Variants in BMP2K observed in about 807,000 individuals in gnomAD.
The protein encoded by BMP2K is BMP2 inducible kinase.
In BMP2K, 74 loss-of-function variants were observed where a neutral mutation model predicts 116.0. The observed-to-expected ratio is 0.64, with a 90% CI of 0.53 to 0.77. The LOEUF (loss-of-function observed/expected upper bound fraction) is 0.77, where lower values mean the gene tolerates loss of function less well. Among genes scored for constraint, BMP2K ranks in the 30% least tolerant of loss-of-function variants. The pLI, the probability that BMP2K is intolerant of heterozygous loss-of-function variation, is 0.00. For missense variants in BMP2K, 1,365 were observed against 1,403.6 expected (o/e 0.97, Z 0.44); for synonymous variants, 486 against 502.5 (o/e 0.97, Z 0.44).
intron 1 of BMP2K, among the ~76,000 whole-genome samples, chr4:78,805,407 A>G (rs954835516): frequency 6.6e-6 from 1 of 151,800 alleles, no homozygotes; most frequent in East Asian, 1.9e-4. Flanking sequence ...TTGAATTTTC[A>G]TATGTATGTT....
intron 15 of BMP2K, among the ~76,000 whole-genome samples, chr4:78,895,465 A>G (rs934437436): frequency 5.9e-5 from 9 of 152,162 alleles, no homozygotes; most frequent in Non-Finnish European, 1.2e-4. Context: ...GAAATCCCAG[A>G]GGGTTTAGGA....
intron 10 of BMP2K, among the ~76,000 whole-genome samples, chr4:78,866,078 G>C (rs961461836): frequency 6.6e-6 from 1 of 152,156 alleles, no homozygotes; most frequent in Admixed American, 6.5e-5. Flanking sequence ...TGAAACACTA[G>C]TCTTACAAAG....
chr4:78,784,915 A>G (rs181883454), intron 1 of BMP2K, among the ~76,000 whole-genome samples: 35 of 152,264 alleles, frequency 2.3e-4, no homozygotes, highest in Non-Finnish European at 3.8e-4. Context: ...GATTCTGTCT[A>G]TGTAACTGAT....
In BMP2K at chr4:78,911,771, A is replaced by G; in HGVS notation, c.3224A>G (p.His1075Arg). 6.2e-7 allele frequency: 1 copy of G among 1,614,002 alleles called. No individual in the cohort carries two copies. The highest frequency in any genetic ancestry group is 8.5e-7 in the Non-Finnish European group (1 of 1,179,890). Reference sequence around the variant, plus strand: ...GACCCCTTCGGTGCCAAGCCCTTCCATTCTCCAGACCTGTCATGGCACCCT... The same window carrying G: ...GACCCCTTCGGTGCCAAGCCCTTCCGTTCTCCAGACCTGTCATGGCACCCT... Reference protein sequence around the residue: ...LLDPFGAKPFHSPDLSWHPPH... With the variant: ...LLDPFGAKPFRSPDLSWHPPH... The change falls in exon 16 of 16, where the codon CAT becomes CGT. Residue 1075 changes from histidine to arginine, a missense_variant. By Grantham distance (29) the His-to-Arg change is conservative. Around this residue, in one of 3 missense-constraint regions of BMP2K, gnomAD observed 596 missense variants for 623.2 expected, o/e 0.96. Coordinates refer to ENST00000502613, the MANE Select transcript of BMP2K (RefSeq NM_198892.2).
intron 1 of BMP2K, among the ~76,000 whole-genome samples, chr4:78,796,048 C>T (rs1453986166): frequency 1.3e-5 from 2 of 151,942 alleles, no homozygotes; most frequent in Non-Finnish European, 2.9e-5. Flanking sequence ...TGGGTATATA[C>T]CCAAAGGACT....
At chr4:78,882,437 A>AT (rs1409118246) in intron 14 of BMP2K, among the ~76,000 whole-genome samples, 1 of 151,686 alleles carries the variant, frequency 6.6e-6, no homozygotes, top group Admixed American at 6.6e-5. Context: ...TGTCTGAATG[A>AT]TTTTTTTAAA....
intron 1 of BMP2K, among the ~76,000 whole-genome samples, chr4:78,804,646 A>G (rs541014565): frequency 6.6e-6 from 1 of 150,896 alleles, no homozygotes; most frequent in South Asian, 2.1e-4. Context: ...GTATCTCATT[A>G]TGGTTTTGAT....
chr4:78,800,112 A>G (rs1728496016), intron 1 of BMP2K, among the ~76,000 whole-genome samples: 1 of 152,168 alleles, frequency 6.6e-6, no homozygotes, highest in African/African-American at 2.4e-5. Context: ...GAACAATTGT[A>G]GAGTGTGCTT....
chr4:78,795,982 G>A (rs1728244283), intron 1 of BMP2K, among the ~76,000 whole-genome samples: 1 of 151,846 alleles, frequency 6.6e-6, no homozygotes, highest in Middle Eastern at 3.4e-3. Context: ...AGTCAGTGTG[G>A]CGATTCCTCA....
intron 1 of BMP2K, 47 bp downstream of exon 1, chr4:78,776,768 G>T: frequency 8.1e-7 from 1 of 1,230,760 alleles, no homozygotes; most frequent in Non-Finnish European, 1.0e-6. Flanking sequence ...GGGAGGGTTG[G>T]GGTGTGGCGG....
chr4:78,878,057 T>A (rs928130248), intron 13 of BMP2K, among the ~76,000 whole-genome samples: 1 of 152,164 alleles, frequency 6.6e-6, no homozygotes, highest in African/African-American at 2.4e-5. Context: ...AGGATAATTT[T>A]CATAGAACCA....
At chr4:78,897,511 CTCA>C (rs1462088624) in intron 15 of BMP2K, among the ~76,000 whole-genome samples, 11 of 152,114 alleles carry the variant, frequency 7.2e-5, no homozygotes, top group African/African-American at 2.2e-4. Context: ...AAAACACAAT[CTCA>C]TCATTATATT....
intron 1 of BMP2K, 48 bp from the exon 2 acceptor site, chr4:78,825,989 G>T: frequency 7.5e-7 from 1 of 1,340,306 alleles, no homozygotes; most frequent in Non-Finnish European, 1.1e-6. Context: ...CATGATTTTG[G>T]CATTTGTTTT....
At chr4:78,798,775 T>C (rs1250652467) in intron 1 of BMP2K, among the ~76,000 whole-genome samples, 1 of 152,212 alleles carries the variant, frequency 6.6e-6, no homozygotes, top group African/African-American at 2.4e-5. Flanking sequence ...TGTTGAGAAG[T>C]TGATAGTTAC....
At chr4:78,875,538 ATTAG>A (rs1174279934) in intron 13 of BMP2K, among the ~76,000 whole-genome samples, 1 of 152,210 alleles carries the variant, frequency 6.6e-6, no homozygotes, top group African/African-American at 2.4e-5. Flanking sequence ...GCCCTGTTAT[ATTAG>A]TTATCTGTTG....
In BMP2K at chr4:78,820,671, A is replaced by G. The variant is rs149700325; in HGVS notation, c.179-5366A>G. 1,227 of 152,654 alleles carry G rather than the reference A, an allele frequency of 8.0e-3. 5 individuals are homozygous for G. Among genetic ancestry groups the G allele is most frequent in the Non-Finnish European group, 0.012 (839 of 68,398 alleles). The allele number at this position is 152,654 out of a possible 1,614,324, so 9.5% of individuals were successfully genotyped here. On this transcript the variant is annotated intron_variant, in intron 1 of 15. Transcript: ENST00000502613. ...ACTGCAACCTCTGCCTCCTGGGTTCAAGCAATTCTCCTGCCTCAGCCTCCC... is the reference window on the plus strand; with the variant it reads ...ACTGCAACCTCTGCCTCCTGGGTTCGAGCAATTCTCCTGCCTCAGCCTCCC...
At chr4:78,873,702 G>GTGTA (rs1486700900) in intron 13 of BMP2K, among the ~76,000 whole-genome samples, 2 of 148,580 alleles carry the variant, frequency 1.3e-5, no homozygotes, top group Non-Finnish European at 3.0e-5. Context: ...GTGTGTGTGT[G>GTGTA]TGTATGCATG....
chr4:78,809,865 C>T (rs189053087), intron 1 of BMP2K, among the ~76,000 whole-genome samples: 22 of 152,246 alleles, frequency 1.4e-4, no homozygotes, highest in Non-Finnish European at 2.6e-4. Flanking sequence ...TTCTCAGAGA[C>T]AGTTTCTGTT....
chr4:78,798,535 G>C (rs1286064206), intron 1 of BMP2K, among the ~76,000 whole-genome samples: 2 of 152,148 alleles, frequency 1.3e-5, no homozygotes, highest in Non-Finnish European at 2.9e-5. Context: ...ATGATCATGT[G>C]TTCTCAAAGG....
Sources: allele counts gnomAD v4.1 joint callset (sites outside exome capture counted in the v4.1 genomes callset), GRCh38; gene constraint gnomAD v4.1.1; regional missense constraint gnomAD v4.1.1; transcripts MANE v1.5; gene names NCBI Gene and HGNC (gene_info 2026-07-23, HGNC 2026-07-21).